Variants in ABCC3 observed in about 807,000 individuals in gnomAD.
The protein encoded by ABCC3 is ATP-binding cassette sub-family C member 3.
ABCC3 carries 121 observed loss-of-function variants against 165.3 expected under a neutral mutation model. That is an observed-to-expected ratio of 0.73 (90% CI 0.63 to 0.85). The LOEUF (loss-of-function observed/expected upper bound fraction) is 0.85. Among genes scored for constraint, ABCC3 ranks in the 40% least tolerant of loss-of-function variants. ABCC3 has a pLI of 0.00. For synonymous variants in ABCC3, 733 were observed against 810.1 expected, an observed-to-expected ratio of 0.90 and a Z score of 1.62; for missense variants, 1,869 against 1,964.1, an observed-to-expected ratio of 0.95 and a Z score of 0.92.
intron 11 of ABCC3, among the ~76,000 whole-genome samples, chr17:50,666,170 G>A (rs77880250): frequency 0.11 from 16,310 of 151,940 alleles, 1,075 homozygotes; most frequent in Non-Finnish European, 0.14. Context: ...CTTACCTCTC[G>A]GCATTGAAGT....
chr17:50,691,306 C>T lies in ABCC3; in HGVS notation c.*106C>T. The T allele has an allele frequency of 1.1e-6, 1 of 888,062 alleles. No individual in the cohort carries two copies. The highest frequency in any genetic ancestry group is 1.8e-6 in the Non-Finnish European group (1 of 551,382). The allele number at this position is 888,062 out of a possible 1,614,324, so 55.0% of individuals were successfully genotyped here. A position where few individuals can be genotyped will look rare whatever the true frequency, so the allele number is the denominator to read the frequency against. The stretch of plus-strand genomic sequence containing the variant: ...ACTTGATAGCAAACACTGGGGGCAC[C>T]TTAAGATTTTGCACCTGTAAAGTGC... On this transcript the variant is annotated 3_prime_UTR_variant, in exon 31 of 31. Transcript: ENST00000285238.
Position 50,683,602 on chromosome 17 carries a change from C to T in ABCC3, c.3808-8C>T. ...AGCTGATGTGACCCCATCTGCCCCT[C>T]CTGCCAGGCGCCCTGGGTGGTGGAA... On this transcript the variant is annotated splice_polypyrimidine_tract_variant and splice_region_variant and intron_variant, in intron 26 of 30. Coordinates refer to ENST00000285238, the MANE Select transcript of ABCC3 (RefSeq NM_003786.4). The T allele has an allele frequency of 6.4e-7, 1 of 1,550,616 alleles. No individual in the cohort carries two copies. Among genetic ancestry groups the T allele is most frequent in the Non-Finnish European group, 8.7e-7 (1 of 1,149,776 alleles).
intron 30 of ABCC3, among the ~76,000 whole-genome samples, chr17:50,688,150 TC>T (rs1490460252): frequency 2.0e-5 from 3 of 151,958 alleles, no homozygotes; most frequent in African/African-American, 7.3e-5. Flanking sequence ...CCTCAAGTGA[TC>T]CACCTGTCTC....
intron 1 of ABCC3, among the ~76,000 whole-genome samples, chr17:50,644,980 T>C (rs1032304712): frequency 3.9e-5 from 6 of 152,150 alleles, no homozygotes. Context: ...ATCACGCCAC[T>C]GCACTCCAGC....
At chr17:50,684,994 T>C in intron 29 of ABCC3, 119 bp downstream of exon 29, 1 of 1,136,520 alleles carries the variant, frequency 8.8e-7, no homozygotes, top group Non-Finnish European at 1.2e-6. Flanking sequence ...TGCACAGGGC[T>C]GTCCTTTCGT....
intron 6 of ABCC3, 170 bp downstream of exon 6, chr17:50,658,666 C>A (rs1375259022): frequency 6.7e-6 from 5 of 743,854 alleles, no homozygotes; most frequent in Non-Finnish European, 1.1e-5. Flanking sequence ...GGAGGGGGAC[C>A]AAATGCAGAG....
chr17:50,642,813 CG>C (rs1966917247), intron 1 of ABCC3, among the ~76,000 whole-genome samples: 1 of 152,206 alleles, frequency 6.6e-6, no homozygotes, highest in African/African-American at 2.4e-5. Flanking sequence ...CATGTCCCCA[CG>C]CCTGGGCTCC....
At chr17:50,684,176 G>A (rs1399379320) in intron 28 of ABCC3, 69 bp downstream of exon 28, 1 of 1,557,220 alleles carries the variant, frequency 6.4e-7, no homozygotes, top group East Asian at 2.3e-5. Flanking sequence ...TTGTTCTGTA[G>A]CTTTAGGATG....
In ABCC3 at chr17:50,684,020, G is replaced by C; in HGVS notation, c.4026G>C (p.Ala1342=). The part of the protein sequence containing the change: ...MTLCLFRILE[A]AKGEIRIDGL... ...TTTGCCTGTTCCGCATCCTGGAGGCGGCAAAGGGTGAAATCCGCATTGATG... is the reference window on the plus strand; with the variant it reads ...TTTGCCTGTTCCGCATCCTGGAGGCCGCAAAGGGTGAAATCCGCATTGATG... Residue 1342 remains alanine (A), a synonymous_variant, in exon 28 of 31, where the codon GCG becomes GCC. Transcript: ENST00000285238. The C allele has an allele frequency of 6.2e-7, 1 of 1,613,000 alleles. No individual in the cohort carries two copies. The highest frequency in any genetic ancestry group is 8.5e-7 in the Non-Finnish European group (1 of 1,179,690).
chr17:50,649,790 AT>A (rs1280757710), intron 1 of ABCC3, among the ~76,000 whole-genome samples: 1 of 152,102 alleles, frequency 6.6e-6, no homozygotes, highest in East Asian at 1.9e-4. Context: ...CATAAAATAA[AT>A]TTTTTTAATA....
At chr17:50,671,872 C>T (rs1320445449) in intron 17 of ABCC3, among the ~76,000 whole-genome samples, 2 of 151,878 alleles carry the variant, frequency 1.3e-5, no homozygotes, top group South Asian at 2.1e-4. Context: ...CAGGCGCACG[C>T]AACTACAGCC....
intron 30 of ABCC3, among the ~76,000 whole-genome samples, chr17:50,688,698 C>T (rs543932900): frequency 1.2e-4 from 18 of 152,138 alleles, no homozygotes; most frequent in Middle Eastern, 3.4e-3. Context: ...ACCAGCCTGG[C>T]CAACATGGAG....
Position 50,660,955 on chromosome 17 carries a change from C to T in ABCC3, c.839C>T (p.Ala280Val). 1.2e-6 allele frequency: 2 copies of T among 1,611,202 alleles called. No homozygotes were observed. The highest frequency in any genetic ancestry group is 1.3e-5 in the African/African-American group (1 of 74,982). ...GCTTCAGCAGCACCTGGGAAAAATGCCTCCGGCGAGGACGAGGTGCTGCTG... is the reference window on the plus strand; with the variant it reads ...GCTTCAGCAGCACCTGGGAAAAATGTCTCCGGCGAGGACGAGGTGCTGCTG... ...HKASAAPGKN[A>V]SGEDEVLLGA... is the part of the protein sequence containing the mutation. The change falls in exon 8 of 31, where the codon GCC (alanine) becomes GTC (valine). Residue 280 changes from alanine to valine, a missense_variant. Transcript: ENST00000285238.
intron 1 of ABCC3, among the ~76,000 whole-genome samples, chr17:50,636,946 G>A (rs1188859262): frequency 6.6e-6 from 1 of 152,146 alleles, no homozygotes; most frequent in Non-Finnish European, 1.5e-5. Flanking sequence ...CAGAGTGCTG[G>A]GCTGGGAAAC....
At chr17:50,687,116 GT>G (rs1483565242) in intron 29 of ABCC3, among the ~76,000 whole-genome samples, 1 of 152,226 alleles carries the variant, frequency 6.6e-6, no homozygotes, top group Non-Finnish European at 1.5e-5. Context: ...CCTGAATTGT[GT>G]GATATTAGGC....
intron 1 of ABCC3, among the ~76,000 whole-genome samples, chr17:50,651,378 G>A (rs551751431): frequency 6.6e-6 from 1 of 152,144 alleles, no homozygotes; most frequent in Non-Finnish European, 1.5e-5. Flanking sequence ...ATTGTTGTTT[G>A]TACAGATTTC....
intron 26 of ABCC3, among the ~76,000 whole-genome samples, chr17:50,681,851 C>T (rs892550290): frequency 3.3e-5 from 5 of 152,108 alleles, no homozygotes; most frequent in African/African-American, 7.2e-5. Context: ...GCATTGCACC[C>T]GCCAGTCCAC....
In ABCC3 at chr17:50,667,845, C is replaced by A; in HGVS notation, c.1636-18C>A. On this transcript the variant is annotated intron_variant, in intron 12 of 30. Transcript: ENST00000285238. ...GGCTCATTGGACTCTACCCTGACAC[C>A]ACCTCCACGCTGCTCAGGTGACCCT... The A allele has an allele frequency of 1.2e-6, 2 of 1,613,774 alleles. No homozygotes were observed. The highest frequency in any genetic ancestry group is 1.7e-6 in the Non-Finnish European group (2 of 1,179,814).
At position 50,666,952 on chromosome 17, in the gene ABCC3, G is replaced by T. The variant is rs531051945; in HGVS notation, c.1432-602G>T. ...CCAGGGAAGGGGACCAGGTGTGGTGGCTCACACCTGTAATCCCAGCACTTG... is the reference window on the plus strand; with the variant it reads ...CCAGGGAAGGGGACCAGGTGTGGTGTCTCACACCTGTAATCCCAGCACTTG... On this transcript the variant is annotated intron_variant, in intron 11 of 30. Transcript: ENST00000285238. Among the ~76,000 whole-genome samples the T allele has an allele frequency of 3.3e-5, 5 of 152,178 alleles. No individual in the cohort carries two copies. In the South Asian group the frequency reaches 8.3e-4, roughly 25 times the overall value.
Sources: gnomAD v4.1 joint callset for allele counts (sites outside exome capture counted in the v4.1 genomes callset) on GRCh38, gnomAD v4.1.1 for gene constraint, MANE v1.5 for transcripts, NCBI Gene and HGNC (gene_info 2026-07-23, HGNC 2026-07-21) for gene names.